Variants in SGCZ observed in about 807,000 individuals in gnomAD.
SGCZ encodes the protein sarcoglycan zeta.
A neutral mutation model predicts 41.3 loss-of-function variants in SGCZ; 40 were observed. The ratio of observed to expected loss-of-function variants is 0.97; its 90% CI spans 0.75 to 1.26. SGCZ has a LOEUF of 1.26. Among genes scored for constraint, SGCZ ranks in the 50% most tolerant of loss-of-function variants. SGCZ has a pLI of 0.00. For synonymous variants in SGCZ, 206 were observed against 137.5 expected (o/e 1.50, Z -3.49); for missense variants, 552 against 369.8 (o/e 1.49, Z -4.04).
At chr8:15,030,746 G>A (rs187865555) in intron 1 of SGCZ, among the ~76,000 whole-genome samples, 10 of 152,226 alleles carry the variant, frequency 6.6e-5, no homozygotes, top group Admixed American at 4.6e-4. Context: ...TGATTTCCTG[G>A]TTAAGGACTA....
chr8:15,197,719 CA>C (rs1159571249), intron 1 of SGCZ, among the ~76,000 whole-genome samples: 1 of 152,144 alleles, frequency 6.6e-6, no homozygotes, highest in African/African-American at 2.4e-5. Flanking sequence ...GCCTCAAAAA[CA>C]GGGGGAGGCA....
At chr8:14,993,634 GAAGT>G (rs2130898897) in intron 1 of SGCZ, among the ~76,000 whole-genome samples, 1 of 152,290 alleles carries the variant, frequency 6.6e-6, no homozygotes, top group African/African-American at 2.4e-5. Context: ...GCAAAGACAA[GAAGT>G]AAGGAAGGGA....
At chr8:15,111,008 A>G (rs1299144886) in intron 1 of SGCZ, among the ~76,000 whole-genome samples, 1 of 152,292 alleles carries the variant, frequency 6.6e-6, no homozygotes, top group Middle Eastern at 3.4e-3. Context: ...AATTTTTAAA[A>G]TAGCATAACC....
intron 1 of SGCZ, among the ~76,000 whole-genome samples, chr8:14,932,808 G>A (rs911473051): frequency 6.6e-6 from 1 of 151,936 alleles, no homozygotes; most frequent in Admixed American, 6.6e-5. Flanking sequence ...TTTTCTAAAT[G>A]CATTACAGAG....
chr8:15,121,660 G>C (rs1807482175), intron 1 of SGCZ, among the ~76,000 whole-genome samples: 1 of 152,132 alleles, frequency 6.6e-6, no homozygotes, highest in African/African-American at 2.4e-5. Flanking sequence ...TCTCATGCTG[G>C]AGTAATCAAG....
At chr8:14,784,272 G>A (rs1054796915) in intron 1 of SGCZ, among the ~76,000 whole-genome samples, 10 of 151,678 alleles carry the variant, frequency 6.6e-5, no homozygotes, top group Non-Finnish European at 1.5e-4. Flanking sequence ...GGCTGGTCTT[G>A]AACTCCTGGG....
At chr8:14,897,520 G>T (rs1805246796) in intron 1 of SGCZ, among the ~76,000 whole-genome samples, 1 of 152,096 alleles carries the variant, frequency 6.6e-6, no homozygotes, top group Admixed American at 6.5e-5. Context: ...CATGTCAATG[G>T]TGAGGAAGGC....
chr8:14,932,009 A>G (rs1446735595), intron 1 of SGCZ, among the ~76,000 whole-genome samples: 6 of 151,978 alleles, frequency 3.9e-5, no homozygotes, highest in Admixed American at 3.9e-4. Flanking sequence ...AATTAAATAT[A>G]CAATTTGTTA....
intron 6 of SGCZ, among the ~76,000 whole-genome samples, chr8:14,104,743 T>A (rs1243874969): frequency 6.6e-6 from 1 of 151,846 alleles, no homozygotes; most frequent in Non-Finnish European, 1.5e-5. Flanking sequence ...TGATGTGTAT[T>A]TATTAATGAT....
intron 1 of SGCZ, among the ~76,000 whole-genome samples, chr8:14,987,152 A>T (rs1397743797): frequency 6.6e-6 from 1 of 151,920 alleles, no homozygotes; most frequent in Non-Finnish European, 1.5e-5. Flanking sequence ...TACCACAGTG[A>T]TTCTGTGATT....
At chr8:15,189,567 AT>A (rs34139151) in intron 1 of SGCZ, among the ~76,000 whole-genome samples, 233 of 148,992 alleles carry the variant, frequency 1.6e-3, no homozygotes, top group African/African-American at 5.0e-3. Flanking sequence ...ACCTTGAAGC[AT>A]TTTTTTTTTT....
chr8:14,401,981 T>A (rs1442903290), intron 2 of SGCZ, among the ~76,000 whole-genome samples: 1 of 151,996 alleles, frequency 6.6e-6, no homozygotes, highest in East Asian at 1.9e-4. Flanking sequence ...ATTGCCATTC[T>A]AACTGGTGTG....
chr8:14,928,274 A>T (rs1486304868), intron 1 of SGCZ, among the ~76,000 whole-genome samples: 2 of 152,174 alleles, frequency 1.3e-5, no homozygotes, highest in African/African-American at 4.8e-5. Flanking sequence ...TCTAGTTATG[A>T]TCATACGCCA....
At chr8:14,400,348 T>C (rs1277780016) in intron 2 of SGCZ, among the ~76,000 whole-genome samples, 1 of 152,170 alleles carries the variant, frequency 6.6e-6, no homozygotes, top group Admixed American at 6.6e-5. Flanking sequence ...TGTGGATATA[T>C]GTTTGCATTT....
At chr8:14,511,800 G>A (rs1802475685) in intron 2 of SGCZ, among the ~76,000 whole-genome samples, 1 of 152,070 alleles carries the variant, frequency 6.6e-6, no homozygotes, top group Non-Finnish European at 1.5e-5. Flanking sequence ...CAACTCTTCT[G>A]GAATTTCAGG....
At chr8:14,101,570 G>A (rs949273316) in intron 7 of SGCZ, among the ~76,000 whole-genome samples, 1 of 76,142 alleles carries the variant, frequency 1.3e-5, no homozygotes, top group Non-Finnish European at 4.7e-5. Context: ...TGCAGGAGTA[G>A]CAACAAGATT....
At chr8:14,949,868 A>G (rs887072578) in intron 1 of SGCZ, among the ~76,000 whole-genome samples, 1 of 152,162 alleles carries the variant, frequency 6.6e-6, no homozygotes, top group Non-Finnish European at 1.5e-5. Context: ...CGTTTCATCC[A>G]AAGTATAAAA....
At chr8:14,333,185 G>A (rs1191407660) in intron 2 of SGCZ, among the ~76,000 whole-genome samples, 1 of 152,002 alleles carries the variant, frequency 6.6e-6, no homozygotes, top group Non-Finnish European at 1.5e-5. Context: ...GGAAGTTAAG[G>A]TTACCTGCTG....
At chr8:14,304,806 A>G (rs576571819) in intron 3 of SGCZ, among the ~76,000 whole-genome samples, 1 of 152,190 alleles carries the variant, frequency 6.6e-6, no homozygotes, top group Non-Finnish European at 1.5e-5. Flanking sequence ...AACTGAAATC[A>G]TTCAATGGTA....
Sources: allele counts gnomAD v4.1 joint callset (sites outside exome capture counted in the v4.1 genomes callset), GRCh38; gene constraint gnomAD v4.1.1; transcripts MANE v1.5; gene names NCBI Gene and HGNC (gene_info 2026-07-23, HGNC 2026-07-21).